TMC2: variants seen among roughly 807,000 people sequenced by gnomAD.
The protein encoded by TMC2 is transmembrane channel-like protein 2.
In TMC2, 102 loss-of-function variants were observed where a neutral mutation model predicts 105.9. The observed-to-expected ratio is 0.96, with a 90% CI of 0.82 to 1.14. The LOEUF (loss-of-function observed/expected upper bound fraction) is 1.14, where lower values mean the gene tolerates loss of function less well. Among genes scored for constraint, TMC2 ranks in the 50% most tolerant of loss-of-function variants. The probability of loss-of-function intolerance (pLI) is 0.00; values close to 1 mark genes in which losing one functional copy is unlikely to be tolerated. For missense variants in TMC2, 1,093 were observed against 1,134.3 expected (o/e 0.96, Z 0.52); for synonymous variants, 402 against 422.8 (o/e 0.95, Z 0.60).
Position 2,643,491 on chromosome 20 carries a change from T to G in TMC2, c.*2140T>G, listed in dbSNP as rs1259570696. On this transcript the variant is annotated 3_prime_UTR_variant, in exon 20 of 20. Coordinates refer to ENST00000358864, the MANE Select transcript of TMC2 (RefSeq NM_080751.3). ...TGATCTGATGAAGTGTAATTTTATG[T>G]GACGGAATGTATATGTCATCTAATG... Among the ~76,000 whole-genome samples, 1 of 152,250 alleles carries G rather than the reference T, an allele frequency of 6.6e-6. No individual in the cohort carries two copies. The highest frequency in any genetic ancestry group is 1.5e-5 in the Non-Finnish European group (1 of 68,042).
intron 19 of TMC2, 146 bp from the exon 20 acceptor site, chr20:2,640,988 C>T: frequency 1.5e-6 from 1 of 686,286 alleles, no homozygotes; most frequent in East Asian, 2.6e-5. Flanking sequence ...CAAGGTGACC[C>T]CGAGACAGCT....
Position 2,642,184 on chromosome 20 carries a change from A to G in TMC2, c.*833A>G, listed in dbSNP as rs927704043. ...CCAGGGGTTTCAGATGAGCCTGAGC[A>G]ACAGAGCAAGACCCTTGTCTCTACA... On this transcript the variant is annotated 3_prime_UTR_variant, in exon 20 of 20. Coordinates refer to ENST00000358864, the MANE Select transcript of TMC2 (RefSeq NM_080751.3). 2.0e-5 allele frequency among the ~76,000 whole-genome samples: 3 copies of G among 152,252 alleles called. No individual in the cohort carries two copies. Among genetic ancestry groups the G allele is most frequent in the Admixed American group, 1.3e-4 (2 of 15,284 alleles).
chr20:2,600,413 C>G (rs1438465862), intron 10 of TMC2, among the ~76,000 whole-genome samples: 1 of 152,204 alleles, frequency 6.6e-6, no homozygotes, highest in Non-Finnish European at 1.5e-5. Context: ...CACAGTGGCT[C>G]ATGCCTGTAA....
intron 9 of TMC2, among the ~76,000 whole-genome samples, chr20:2,596,406 C>T (rs1415932213): frequency 6.6e-6 from 1 of 152,054 alleles, no homozygotes; most frequent in African/African-American, 2.4e-5. Context: ...CCGAGGCAGG[C>T]AGATCACCTG....
chr20:2,632,642 T>A (rs1259984758), intron 17 of TMC2, among the ~76,000 whole-genome samples: 2 of 152,156 alleles, frequency 1.3e-5, no homozygotes, highest in Non-Finnish European at 2.9e-5. Flanking sequence ...CAGGCTGGAA[T>A]GCAGTGGCGA....
chr20:2,572,401 C>T (rs749279470), intron 5 of TMC2, 132 bp downstream of exon 5: 2 of 671,374 alleles, frequency 3.0e-6, no homozygotes, highest in Non-Finnish European at 5.3e-6. Flanking sequence ...GTGAGGGCCA[C>T]CTGACCATTC....
chr20:2,637,646 A>G, intron 19 of TMC2, 55 bp downstream of exon 19: 1 of 1,231,320 alleles, frequency 8.1e-7, no homozygotes, highest in Non-Finnish European at 1.2e-6. Flanking sequence ...AAAGGTGTAA[A>G]GAGCCTATGA....
In TMC2 at chr20:2,642,482, A is replaced by G. The variant is rs576605613; in HGVS notation, c.*1131A>G. Among the ~76,000 whole-genome samples the G allele has an allele frequency of 1.5e-4, 23 of 152,340 alleles. No individual in the cohort carries two copies. The highest frequency in any genetic ancestry group is 5.5e-4 in the African/African-American group (23 of 41,574). ...TGCACCAAATTCTAAAAGGAATTTG[A>G]TAACATGATTATTGTACAAAAGACC... is the stretch of plus-strand genomic sequence containing the variant. On this transcript the variant is annotated 3_prime_UTR_variant, in exon 20 of 20. Transcript: ENST00000358864.
intron 11 of TMC2, among the ~76,000 whole-genome samples, chr20:2,609,786 A>AACTACATGGACAGGTACGG (rs2086421469): frequency 6.6e-6 from 1 of 152,108 alleles, no homozygotes; most frequent in African/African-American, 2.4e-5. Flanking sequence ...ACCAGCCGAG[A>AACTACATGGACAGGTACGG]AGAGTTGACC....
chr20:2,580,192 A>G, intron 7 of TMC2, 136 bp downstream of exon 7: 1 of 491,156 alleles, frequency 2.0e-6, no homozygotes, highest in Non-Finnish European at 3.6e-6. Context: ...TGCAAAAGTA[A>G]TTGTTTTGCA....
intron 1 of TMC2, 138 bp downstream of exon 1, chr20:2,536,793 A>G (rs2085852390): frequency 2.7e-5 from 23 of 867,770 alleles, no homozygotes; most frequent in Non-Finnish European, 4.0e-5. Flanking sequence ...CTGTGCGCTG[A>G]GCGACCTCGG....
chr20:2,538,553 T>C (rs60239422), intron 2 of TMC2, among the ~76,000 whole-genome samples: 2,327 of 152,058 alleles, frequency 0.015, 72 homozygotes, highest in African/African-American at 0.052. Flanking sequence ...CCAGATGCCG[T>C]CCCTTCCGCA....
At chr20:2,582,676 A>T (rs149770615) in intron 7 of TMC2, among the ~76,000 whole-genome samples, 3,073 of 152,030 alleles carry the variant, frequency 0.02, 110 homozygotes, top group African/African-American at 0.07. Context: ...GGGTTTCGCC[A>T]TGTTGGCCAG....
intron 4 of TMC2, among the ~76,000 whole-genome samples, chr20:2,570,823 T>C (rs903687325): frequency 2.0e-5 from 3 of 151,994 alleles, no homozygotes; most frequent in Admixed American, 6.6e-5. Flanking sequence ...TGGAACTGAA[T>C]AGAGAATGCA....
rs1468402856 is a variant in TMC2 at position 2,612,214 on chromosome 20, G to A, written c.1617G>A (p.Lys539=). ...AGCTTGCTAATGAAGAGACAATAAAGAACATCACTCACTGGACTCTGTTTA... is the reference window on the plus strand; with the variant it reads ...AGCTTGCTAATGAAGAGACAATAAAAAACATCACTCACTGGACTCTGTTTA... The part of the protein sequence containing the change: ...HLKLANEETI[K]NITHWTLFNY... The change falls in exon 13 of 20, where the codon AAG becomes AAA. Residue 539 remains lysine, a synonymous_variant. Coordinates refer to ENST00000358864, the MANE Select transcript of TMC2 (RefSeq NM_080751.3). 1 of 1,609,902 alleles carries A rather than the reference G, an allele frequency of 6.2e-7. No homozygotes were observed.
At chr20:2,636,493 C>CACACAT (rs1555778095) in intron 18 of TMC2, among the ~76,000 whole-genome samples, 3 of 151,120 alleles carry the variant, frequency 2.0e-5, no homozygotes, top group African/African-American at 7.3e-5. Flanking sequence ...CACACACACA[C>CACACAT]GCACACACCC....
At position 2,616,329 on chromosome 20, in the gene TMC2, C is replaced by G; in HGVS notation, c.1940+125C>G. 1.3e-6 allele frequency: 1 copy of G among 742,444 alleles called. No individual in the cohort carries two copies. Among genetic ancestry groups the G allele is most frequent in the South Asian group, 1.5e-5 (1 of 64,534 alleles). 46.0% of individuals were successfully genotyped at this position (742,444 alleles called of 1,614,324 possible). A position where few individuals can be genotyped will look rare whatever the true frequency, so the allele number is the denominator to read the frequency against. Reference sequence around the variant, plus strand: ...TCCTCTTGCCTCTCTGAACTCCCCTCTTTCACATGAAAAATCAAGAGCGGG... The same window carrying G: ...TCCTCTTGCCTCTCTGAACTCCCCTGTTTCACATGAAAAATCAAGAGCGGG... On this transcript the variant is annotated intron_variant, in intron 15 of 19. Transcript: ENST00000358864. This position sits in a 1 kb window ranked among gnomAD's most constrained non-coding sequence, Gnocchi z 4.8.
intron 16 of TMC2, 167 bp downstream of exon 16, chr20:2,617,478 G>T: frequency 1.1e-6 from 1 of 914,790 alleles, no homozygotes; most frequent in Non-Finnish European, 1.6e-6. Flanking sequence ...GGATGGAAAT[G>T]TTAGGTCGTT....
intron 7 of TMC2, among the ~76,000 whole-genome samples, chr20:2,580,310 C>T (rs976167256): frequency 6.6e-6 from 1 of 152,134 alleles, no homozygotes; most frequent in South Asian, 2.1e-4. Context: ...ATTACTTTTG[C>T]ACCAACCTAC....
Sources: allele counts gnomAD v4.1 joint callset (sites outside exome capture counted in the v4.1 genomes callset), GRCh38; gene constraint gnomAD v4.1.1; non-coding constraint Gnocchi (gnomAD v3.1); transcripts MANE v1.5; gene names NCBI Gene and HGNC (gene_info 2026-07-23, HGNC 2026-07-21).